The following RAD18 variants were observed in gnomAD, a reference collection of about 807,000 sequenced individuals.
RAD18 encodes the protein RAD18 E3 ubiquitin protein ligase, also known as E3 ubiquitin-protein ligase RAD18.
Under a neutral mutation model 60.4 loss-of-function variants are expected in RAD18, and 47 were observed. The ratio of observed to expected loss-of-function variants is 0.78; its 90% CI spans 0.62 to 0.99. The LOEUF is 0.99. Ranked by LOEUF, RAD18 falls within the 50% of genes least tolerant of loss-of-function variation. The pLI, the probability that RAD18 is intolerant of heterozygous loss-of-function variation, is 0.00. For synonymous variants in RAD18, 225 were observed against 195.5 expected, an observed-to-expected ratio of 1.15 and a Z score of -1.26; for missense variants, 640 against 593.3, an observed-to-expected ratio of 1.08 and a Z score of -0.82.
At chr3:8,935,805 A>G (rs1559789215) in intron 7 of RAD18, 66 bp downstream of exon 7, 1 of 1,328,416 alleles carries the variant, frequency 7.5e-7, no homozygotes, top group Non-Finnish European at 1.0e-6. Context: ...ATGGTTTATA[A>G]TTTCTGAGCT....
At chr3:8,897,628 A>T (rs1939814394) in intron 11 of RAD18, among the ~76,000 whole-genome samples, 1 of 152,178 alleles carries the variant, frequency 6.6e-6, no homozygotes, top group Non-Finnish European at 1.5e-5. Flanking sequence ...TTTCTATGGT[A>T]TCAGTTACCA....
intron 7 of RAD18, among the ~76,000 whole-genome samples, chr3:8,933,364 G>A (rs1940592150): frequency 6.6e-6 from 1 of 152,016 alleles, no homozygotes; most frequent in South Asian, 2.1e-4. Flanking sequence ...TGCTGATGAA[G>A]GAAATGTTCT....
At chr3:8,897,794 G>C (rs747850582) in intron 11 of RAD18, among the ~76,000 whole-genome samples, 10 of 152,154 alleles carry the variant, frequency 6.6e-5, no homozygotes. Context: ...GGCCAGGTAC[G>C]GTGGCTCATG....
chr3:8,902,409 G>A lies in RAD18; in HGVS notation c.1139C>T (p.Ser380Phe). 3.7e-6 allele frequency: 6 copies of A among 1,607,420 alleles called. No individual in the cohort carries two copies. Among genetic ancestry groups the A allele is most frequent in the Non-Finnish European group, 5.1e-6 (6 of 1,176,364 alleles). Residue 380 changes from serine (S) to phenylalanine (F), a missense_variant, in exon 10 of 13, where the codon TCT becomes TTT. Coordinates refer to ENST00000264926, the MANE Select transcript of RAD18 (RefSeq NM_020165.4). ...KTVTITKEDE[S>F]TEKLSSVCMG... ...GCATACAGAAGATAGCTTTTCTGTAGATTCATCTTCTTTTGTTATTGTTAC... is the reference window on the plus strand; with the variant it reads ...GCATACAGAAGATAGCTTTTCTGTAAATTCATCTTCTTTTGTTATTGTTAC...
At chr3:8,956,208 T>C (rs1574828953) in intron 2 of RAD18, among the ~76,000 whole-genome samples, 1 of 152,214 alleles carries the variant, frequency 6.6e-6, no homozygotes, top group Admixed American at 6.5e-5. Flanking sequence ...GGTTTCTCTT[T>C]GTCATATCCG....
chr3:8,920,304 AG>A (rs1444263239), intron 7 of RAD18, among the ~76,000 whole-genome samples: 2 of 151,720 alleles, frequency 1.3e-5, no homozygotes, highest in Non-Finnish European at 2.9e-5. Flanking sequence ...AAAAAGAAAA[AG>A]AAAATAATAA....
Position 8,941,720 on chromosome 3 carries a change from A to G in RAD18, c.351T>C (p.Tyr117=), listed in dbSNP as rs1291160518. 1.2e-6 allele frequency: 2 copies of G among 1,614,190 alleles called. No individual in the cohort carries two copies. The highest frequency in any genetic ancestry group is 4.5e-5 in the East Asian group (2 of 44,886). Residue 117 remains tyrosine, a synonymous_variant, in exon 5 of 13, where the codon TAT becomes TAC. Transcript: ENST00000264926. ...SSSKNLAVKV[Y]TPVASRQSLK... is the part of the protein sequence containing the mutation. ...AAGACTGTCTGGAGGCTACAGGAGT[A>G]TATACTTTGACAGCAAGATTCTTTG...
chr3:8,917,044 GAC>G (rs1477327627), intron 7 of RAD18, among the ~76,000 whole-genome samples: 2 of 152,010 alleles, frequency 1.3e-5, no homozygotes, highest in African/African-American at 4.8e-5. Context: ...CATGCATATA[GAC>G]ACAAAGACAA....
chr3:8,895,553 T>C (rs1003949688), intron 11 of RAD18, among the ~76,000 whole-genome samples: 1 of 152,252 alleles, frequency 6.6e-6, no homozygotes. Context: ...CCAAACTTTA[T>C]TAACCAATTT....
intron 5 of RAD18, 119 bp downstream of exon 5, chr3:8,941,348 A>G: frequency 2.3e-6 from 2 of 872,662 alleles, no homozygotes; most frequent in Non-Finnish European, 3.5e-6. Context: ...GGTTTGTGAT[A>G]TGGTAAAATC....
intron 3 of RAD18, among the ~76,000 whole-genome samples, chr3:8,947,606 G>A (rs13068368): frequency 0.13 from 20,440 of 152,120 alleles, 1,516 homozygotes; most frequent in African/African-American, 0.18. Context: ...AGCTTTCTCA[G>A]AAATTTCTCC....
chr3:8,954,143 A>ATC (rs1940971346), intron 2 of RAD18, among the ~76,000 whole-genome samples: 2 of 152,200 alleles, frequency 1.3e-5, no homozygotes, highest in African/African-American at 2.4e-5. Context: ...GAGGGATGTT[A>ATC]TTCTCTTACC....
At chr3:8,950,334 C>A (rs1940907935) in intron 2 of RAD18, among the ~76,000 whole-genome samples, 1 of 152,172 alleles carries the variant, frequency 6.6e-6, no homozygotes, top group South Asian at 2.1e-4. Context: ...TGCACTGGCC[C>A]AGAGTAGTCT....
intron 7 of RAD18, among the ~76,000 whole-genome samples, chr3:8,917,899 T>C (rs1190723982): frequency 1.3e-5 from 2 of 151,932 alleles, no homozygotes; most frequent in Non-Finnish European, 2.9e-5. Flanking sequence ...AATAAAAAGA[T>C]AGGTTAAAAA....
intron 2 of RAD18, among the ~76,000 whole-genome samples, chr3:8,949,547 C>T (rs1221250617): frequency 6.6e-6 from 1 of 152,128 alleles, no homozygotes; most frequent in East Asian, 1.9e-4. Context: ...ATGTAAGGGG[C>T]TTGGAAGTCA....
In RAD18 at chr3:8,939,403, T is replaced by C. The variant is rs1432490891; in HGVS notation, c.704+151A>G. On this transcript the variant is annotated intron_variant, in intron 6 of 12. Transcript: ENST00000264926. ...TTGAAGAAAGAACAGAGGAGAGGGATTGGAAGAAGTGGCCAACAGGAGTAA... is the reference window on the plus strand; with the variant it reads ...TTGAAGAAAGAACAGAGGAGAGGGACTGGAAGAAGTGGCCAACAGGAGTAA... 9.2e-6 allele frequency: 5 copies of C among 541,634 alleles called. No individual in the cohort carries two copies. In the South Asian group the frequency reaches 9.9e-5, roughly 11 times the overall value. 33.6% of individuals were successfully genotyped at this position (541,634 alleles called of 1,614,324 possible).
intron 7 of RAD18, among the ~76,000 whole-genome samples, chr3:8,925,967 C>T (rs1295510478): frequency 6.6e-6 from 1 of 152,042 alleles, no homozygotes; most frequent in East Asian, 1.9e-4. Context: ...ACTGAATGGG[C>T]AAAAACTGGA....
At chr3:8,898,768 G>T in intron 11 of RAD18, 126 bp downstream of exon 11, 1 of 805,906 alleles carries the variant, frequency 1.2e-6, no homozygotes, top group Non-Finnish European at 1.8e-6. Flanking sequence ...AGTAAAAGGG[G>T]ACTGAAATGT....
intron 2 of RAD18, among the ~76,000 whole-genome samples, chr3:8,951,632 T>C (rs1018999441): frequency 6.6e-6 from 1 of 152,208 alleles, no homozygotes; most frequent in African/African-American, 2.4e-5. Flanking sequence ...TGTACAAAAA[T>C]AATAACGAAG....
Sources: allele counts gnomAD v4.1 joint callset (sites outside exome capture counted in the v4.1 genomes callset), GRCh38; gene constraint gnomAD v4.1.1; transcripts MANE v1.5; gene names NCBI Gene and HGNC (gene_info 2026-07-23, HGNC 2026-07-21).